Variants in LRFN5 observed in about 807,000 individuals in gnomAD.
LRFN5 encodes leucine-rich repeat and fibronectin type-III domain-containing protein 5.
LRFN5 carries 24 observed loss-of-function variants against 45.6 expected under a neutral mutation model. That is an observed-to-expected ratio of 0.53 (90% confidence interval 0.38 to 0.74). The LOEUF (loss-of-function observed/expected upper bound fraction) is 0.74, where lower values mean the gene tolerates loss of function less well. LRFN5 is among the 30% of genes least tolerant of loss of function. LRFN5 has a pLI of 0.00. For missense variants in LRFN5, 776 were observed against 861.5 expected (o/e 0.90, Z 1.24); for synonymous variants, 340 against 313.8 (o/e 1.08, Z -0.88).
chr14:41,875,181 C>T (rs1890147168), intron 2 of LRFN5, among the ~76,000 whole-genome samples: 1 of 152,220 alleles, frequency 6.6e-6, no homozygotes, highest in African/African-American at 2.4e-5. Context: ...AATTATCTCC[C>T]TCTTTTCTAC....
intron 1 of LRFN5, among the ~76,000 whole-genome samples, chr14:41,652,816 C>T (rs931601713): frequency 6.6e-6 from 1 of 152,120 alleles, no homozygotes; most frequent in East Asian, 1.9e-4. Context: ...ACAACATCAC[C>T]AGCATCTGTT....
At chr14:41,620,023 A>G (rs960679580) in intron 1 of LRFN5, among the ~76,000 whole-genome samples, 1 of 152,096 alleles carries the variant, frequency 6.6e-6, no homozygotes, top group East Asian at 1.9e-4. Flanking sequence ...GCATAGCATG[A>G]TGGCTCTTTT....
At chr14:41,812,448 T>G (rs556045670) in intron 2 of LRFN5, among the ~76,000 whole-genome samples, 1 of 151,920 alleles carries the variant, frequency 6.6e-6, no homozygotes, top group Non-Finnish European at 1.5e-5. Flanking sequence ...CATTTTTAAT[T>G]TCTTAGTACC....
At chr14:41,879,104 T>C (rs1877115013) in intron 2 of LRFN5, among the ~76,000 whole-genome samples, 1 of 152,090 alleles carries the variant, frequency 6.6e-6, no homozygotes, top group African/African-American at 2.4e-5. Context: ...GTACACTTAC[T>C]CTTACTTTCT....
At chr14:41,836,621 T>C (rs1888671159) in intron 2 of LRFN5, among the ~76,000 whole-genome samples, 1 of 152,186 alleles carries the variant, frequency 6.6e-6, no homozygotes, top group South Asian at 2.1e-4. Flanking sequence ...TGTTCTGTAG[T>C]GATCCAGCAA....
chr14:41,902,407 T>C (rs149003870), intron 5 of LRFN5, among the ~76,000 whole-genome samples: 223 of 152,024 alleles, frequency 1.5e-3, no homozygotes, highest in African/African-American at 5.1e-3. Context: ...AGCTATCTAT[T>C]GATAAGTAAA....
intron 1 of LRFN5, among the ~76,000 whole-genome samples, chr14:41,610,812 C>A (rs532423342): frequency 2.0e-5 from 3 of 150,702 alleles, no homozygotes; most frequent in Non-Finnish European, 3.0e-5. Context: ...ACTTCTAATC[C>A]TCTTATCACT....
chr14:41,644,988 G>T (rs1197878657), intron 1 of LRFN5, among the ~76,000 whole-genome samples: 2 of 152,168 alleles, frequency 1.3e-5, no homozygotes, highest in Admixed American at 6.5e-5. Context: ...CCACAGTAAG[G>T]TAACTAAAGC....
At chr14:41,867,463 A>G (rs1889879027) in intron 2 of LRFN5, among the ~76,000 whole-genome samples, 2 of 152,134 alleles carry the variant, frequency 1.3e-5, no homozygotes, top group South Asian at 2.1e-4. Context: ...TATGTTTTAC[A>G]TAAAGCAAAT....
intron 1 of LRFN5, among the ~76,000 whole-genome samples, chr14:41,695,608 A>G (rs1333955188): frequency 1.3e-5 from 2 of 151,994 alleles, no homozygotes; most frequent in Non-Finnish European, 2.9e-5. Flanking sequence ...GAATTATGCT[A>G]TATCTACTCT....
intron 1 of LRFN5, among the ~76,000 whole-genome samples, chr14:41,679,914 A>T (rs1424743254): frequency 6.6e-6 from 1 of 152,146 alleles, no homozygotes; most frequent in Non-Finnish European, 1.5e-5. Flanking sequence ...GTTTGGCAGC[A>T]TTCACCAAAA....
At chr14:41,822,612 G>T (rs1311155210) in intron 2 of LRFN5, among the ~76,000 whole-genome samples, 1 of 151,984 alleles carries the variant, frequency 6.6e-6, no homozygotes, top group African/African-American at 2.4e-5. Context: ...TGAGAAAAAT[G>T]TATATTCTGT....
intron 1 of LRFN5, among the ~76,000 whole-genome samples, chr14:41,682,499 G>A (rs1881947833): frequency 6.6e-6 from 1 of 151,904 alleles, no homozygotes; most frequent in Admixed American, 6.6e-5. Context: ...AAATGAAATT[G>A]AAATGAAAGT....
chr14:41,853,417 G>C (rs185305927), intron 2 of LRFN5, among the ~76,000 whole-genome samples: 5 of 151,854 alleles, frequency 3.3e-5, no homozygotes, highest in Admixed American at 2.0e-4. Flanking sequence ...CAAGTTAAGC[G>C]TGTATTTTCA....
chr14:41,654,134 A>T (rs1285562758), intron 1 of LRFN5, among the ~76,000 whole-genome samples: 1 of 152,014 alleles, frequency 6.6e-6, no homozygotes, highest in Admixed American at 6.6e-5. Context: ...CCAACATGGC[A>T]CATGTATACA....
At chr14:41,610,468 T>C (rs115536499) in intron 1 of LRFN5, among the ~76,000 whole-genome samples, 1,764 of 151,740 alleles carry the variant, frequency 0.012, 30 homozygotes, top group African/African-American at 0.041. Flanking sequence ...TTGTTTCTAG[T>C]TGAAACACCT....
At chr14:41,885,756 C>T (rs1890545427) in intron 2 of LRFN5, among the ~76,000 whole-genome samples, 1 of 151,942 alleles carries the variant, frequency 6.6e-6, no homozygotes, top group Non-Finnish European at 1.5e-5. Context: ...GTGGCTCATG[C>T]CTGTAATCTC....
At chr14:41,895,496 G>C (rs1191778358) in intron 4 of LRFN5, among the ~76,000 whole-genome samples, 1 of 151,980 alleles carries the variant, frequency 6.6e-6, no homozygotes, top group Non-Finnish European at 1.5e-5. Context: ...GGCATGGTAG[G>C]AATCTGTAGT....
At chr14:41,683,539 T>C (rs7158181) in intron 1 of LRFN5, among the ~76,000 whole-genome samples, 7,332 of 152,226 alleles carry the variant, frequency 0.048, 485 homozygotes, top group East Asian at 0.27. Context: ...TATGATCTTA[T>C]ATTTGGAAAA....
Sources: gnomAD v4.1 joint callset for allele counts (sites outside exome capture counted in the v4.1 genomes callset) on GRCh38, gnomAD v4.1.1 for gene constraint, MANE v1.5 for transcripts, NCBI Gene and HGNC (gene_info 2026-07-23, HGNC 2026-07-21) for gene names.